The following XKR4 variants were observed in gnomAD, a reference collection of about 807,000 sequenced individuals.
The protein encoded by XKR4 is XK related 4, also known as XK-related protein 4.
In XKR4, 12 loss-of-function variants were observed where a neutral mutation model predicts 53.9. The observed-to-expected ratio is 0.22, with a 90% CI of 0.14 to 0.36. The LOEUF is 0.36. Among genes scored for constraint, XKR4 ranks in the 10% least tolerant of loss-of-function variants. The pLI, the probability that XKR4 is intolerant of heterozygous loss-of-function variation, is 1.00. For missense variants in XKR4, 799 were observed against 859.5 expected (o/e 0.93, Z 0.88); for synonymous variants, 354 against 362.4 (o/e 0.98, Z 0.26).
At chr8:55,204,542 G>T (rs188354682) in intron 1 of XKR4, among the ~76,000 whole-genome samples, 147 of 152,246 alleles carry the variant, frequency 9.7e-4, no homozygotes, top group Non-Finnish European at 1.8e-3. Flanking sequence ...ACCCACAAAG[G>T]CTGTGCCAGT....
intron 2 of XKR4, among the ~76,000 whole-genome samples, chr8:55,368,585 C>G (rs913737225): frequency 3.9e-5 from 6 of 152,212 alleles, no homozygotes; most frequent in Non-Finnish European, 7.3e-5. Context: ...CAGCTCTCCC[C>G]CTTCCCACAG....
At chr8:55,467,130 G>A (rs1282974071) in intron 2 of XKR4, among the ~76,000 whole-genome samples, 2 of 152,088 alleles carry the variant, frequency 1.3e-5, no homozygotes, top group Non-Finnish European at 2.9e-5. Flanking sequence ...GCAGAATGCA[G>A]GTCCCTGTGG....
At chr8:55,458,078 C>G (rs1244746897) in intron 2 of XKR4, among the ~76,000 whole-genome samples, 5 of 152,148 alleles carry the variant, frequency 3.3e-5, no homozygotes, top group African/African-American at 1.2e-4. Context: ...AGCTGAAACT[C>G]AATCCATACG....
intron 1 of XKR4, among the ~76,000 whole-genome samples, chr8:55,312,991 C>T (rs1819408996): frequency 1.3e-5 from 2 of 152,138 alleles, no homozygotes; most frequent in African/African-American, 4.8e-5. Flanking sequence ...TCTTAAGGAA[C>T]TTCATATGAC....
At chr8:55,370,050 A>T (rs1331517335) in intron 2 of XKR4, among the ~76,000 whole-genome samples, 1 of 152,058 alleles carries the variant, frequency 6.6e-6, no homozygotes, top group African/African-American at 2.4e-5. Context: ...AAAGAGCGAG[A>T]CCCCCATCTG....
At position 55,357,787 on chromosome 8, in the gene XKR4, C is replaced by T; in HGVS notation, c.916C>T (p.His306Tyr). 6.2e-7 allele frequency: 1 copy of T among 1,614,182 alleles called. No homozygotes were observed. The highest frequency in any genetic ancestry group is 8.5e-7 in the Non-Finnish European group (1 of 1,180,018). The change falls in exon 2 of 3, where the codon CAT becomes TAT. Residue 306 changes from histidine (H) to tyrosine (Y), a missense_variant. Physicochemically the swap from His to Tyr is moderately conservative, Grantham distance 83 (BLOSUM62 2). This residue lies in a region of XKR4 where 476 missense variants were observed against 505.4 expected (regional missense o/e 0.94). Transcript: ENST00000327381. ...VYEYADVSML[H>Y]LLATFLESAP... ...TGAGTATGCGGATGTGAGTATGCTG[C>T]ATTTGCTAGCCACCTTTCTGGAAAG...
intron 1 of XKR4, among the ~76,000 whole-genome samples, chr8:55,148,135 G>T (rs1023724052): frequency 2.0e-5 from 3 of 152,208 alleles, no homozygotes; most frequent in Admixed American, 2.0e-4. Flanking sequence ...ACAGAGCTCT[G>T]ATATCTGAAT....
chr8:55,509,328 A>C (rs566880684), intron 2 of XKR4, among the ~76,000 whole-genome samples: 1 of 152,364 alleles, frequency 6.6e-6, no homozygotes, highest in East Asian at 1.9e-4. Context: ...TCATACTTCC[A>C]GGAATGCTTC....
intron 2 of XKR4, among the ~76,000 whole-genome samples, chr8:55,437,964 AAAGAAGAAGAAG>A (rs140525104): frequency 2.6e-5 from 3 of 113,272 alleles, no homozygotes; most frequent in African/African-American, 7.2e-5. Flanking sequence ...CAAAAAAAAA[AAAGAAGAAGAAG>A]AAGAAGAAGA....
chr8:55,227,286 A>G (rs896254925), intron 1 of XKR4, among the ~76,000 whole-genome samples: 13 of 152,248 alleles, frequency 8.5e-5, no homozygotes, highest in African/African-American at 2.9e-4. Context: ...CAAAGACTCA[A>G]AAAGACTTGA....
At chr8:55,213,856 C>CTTTTTTTTTTTTTT (rs11433893) in intron 1 of XKR4, among the ~76,000 whole-genome samples, 6 of 82,348 alleles carry the variant, frequency 7.3e-5, no homozygotes, top group East Asian at 4.7e-4. Context: ...TTCTTTCTTT[C>CTTTTTTTTTTTTTT]TTTTTTTTTT....
chr8:55,257,537 G>A (rs1037901931), intron 1 of XKR4, among the ~76,000 whole-genome samples: 1 of 151,984 alleles, frequency 6.6e-6, no homozygotes, highest in Non-Finnish European at 1.5e-5. Context: ...AAGCAATCCT[G>A]GCCACTCATC....
intron 2 of XKR4, among the ~76,000 whole-genome samples, chr8:55,390,975 C>T (rs1005946548): frequency 6.6e-6 from 1 of 152,168 alleles, no homozygotes; most frequent in Non-Finnish European, 1.5e-5. Context: ...TGATTAAATG[C>T]TTTACTCTAA....
intron 2 of XKR4, among the ~76,000 whole-genome samples, chr8:55,477,046 T>A (rs1404842765): frequency 3.9e-5 from 6 of 152,088 alleles, no homozygotes; most frequent in Non-Finnish European, 7.3e-5. Flanking sequence ...AAGAGAGTAT[T>A]GGTTCTCCCA....
intron 1 of XKR4, among the ~76,000 whole-genome samples, chr8:55,210,024 G>T (rs1005227577): frequency 6.6e-6 from 1 of 151,706 alleles, no homozygotes; most frequent in Non-Finnish European, 1.5e-5. Context: ...AACTCATATT[G>T]GTGTCCAGGC....
At chr8:55,220,499 A>G (rs1032154690) in intron 1 of XKR4, among the ~76,000 whole-genome samples, 1 of 152,268 alleles carries the variant, frequency 6.6e-6, no homozygotes, top group Non-Finnish European at 1.5e-5. Context: ...TGTCTGTTCT[A>G]GCACCAACTA....
intron 2 of XKR4, among the ~76,000 whole-genome samples, chr8:55,398,205 C>T (rs749842568): frequency 2.6e-5 from 4 of 152,154 alleles, no homozygotes; most frequent in Non-Finnish European, 5.9e-5. Flanking sequence ...CAGCAAAAAG[C>T]GTTCCCAGAA....
At chr8:55,365,575 C>T (rs991656791) in intron 2 of XKR4, among the ~76,000 whole-genome samples, 13 of 151,840 alleles carry the variant, frequency 8.6e-5, no homozygotes, top group South Asian at 2.1e-4. Flanking sequence ...GGCATGGTGG[C>T]GCATGCCTGT....
intron 2 of XKR4, among the ~76,000 whole-genome samples, chr8:55,475,801 C>T (rs978766652): frequency 6.6e-6 from 1 of 151,800 alleles, no homozygotes; most frequent in African/African-American, 2.4e-5. Flanking sequence ...CAGGATTTCA[C>T]TTTCTTGGCC....
Sources: gnomAD v4.1 joint callset for allele counts (sites outside exome capture counted in the v4.1 genomes callset) on GRCh38, gnomAD v4.1.1 for gene constraint, gnomAD v4.1.1 regional missense constraint, MANE v1.5 for transcripts, NCBI Gene and HGNC (gene_info 2026-07-23, HGNC 2026-07-21) for gene names.